FAM167B: variants seen among roughly 807,000 people sequenced by gnomAD.
The protein encoded by FAM167B is family with sequence similarity 167 member B, also known as protein FAM167B.
FAM167B carries 7 observed loss-of-function variants against 15.4 expected under a neutral mutation model. The ratio of observed to expected loss-of-function variants is 0.46; its 90% CI spans 0.26 to 0.86. FAM167B has a LOEUF of 0.86. Among genes scored for constraint, FAM167B ranks in the 40% least tolerant of loss-of-function variants. FAM167B has a pLI of 0.17. For synonymous variants in FAM167B, 100 were observed against 94.6 expected (o/e 1.06, Z -0.33); for missense variants, 207 against 208.3 (o/e 0.99, Z 0.04).
chr1:32,247,537 G>A lies in FAM167B; in HGVS notation c.116G>A (p.Arg39Gln), dbSNP rs1230290040. 29 of 1,607,374 alleles carry A rather than the reference G, an allele frequency of 1.8e-5. No homozygotes were observed. Among genetic ancestry groups the A allele is most frequent in the Non-Finnish European group, 2.4e-5 (28 of 1,176,784 alleles). Reference sequence around the variant, plus strand: ...ACAGCCAAGCTGCAGCTGCAGACTCGGCGGCCCTCATATCTGGAGTGGACA... The same window carrying A: ...ACAGCCAAGCTGCAGCTGCAGACTCAGCGGCCCTCATATCTGGAGTGGACA... ...ALTAKLQLQT[R>Q]RPSYLEWTAQ... The change falls in exon 1 of 2, where the codon CGG becomes CAG. Residue 39 changes from arginine (R) to glutamine (Q), a missense_variant. Coordinates refer to ENST00000373582, the MANE Select transcript of FAM167B (RefSeq NM_032648.3).
At position 32,248,702 on chromosome 1, in the gene FAM167B, C is replaced by G; in HGVS notation, c.*101C>G. The G allele has an allele frequency of 1.9e-6, 2 of 1,034,720 alleles. No homozygotes were observed. The highest frequency in any genetic ancestry group is 2.7e-6 in the Non-Finnish European group (2 of 733,280). 64.1% of individuals were successfully genotyped at this position (1,034,720 alleles called of 1,614,324 possible). ...GAGGGGTGCCCCAGAGGCACCAGCT[C>G]CTGGCGGGGGAGGAGGAACATTCAG... On this transcript the variant is annotated 3_prime_UTR_variant, in exon 2 of 2. Transcript: ENST00000373582.
intron 1 of FAM167B, 66 bp downstream of exon 1, chr1:32,247,748 C>G (rs1259347525): frequency 2.1e-6 from 3 of 1,397,610 alleles, no homozygotes; most frequent in Non-Finnish European, 2.8e-6. Flanking sequence ...GGGTCCAAGA[C>G]CACAGGCATG....
intron 1 of FAM167B, 59 bp downstream of exon 1, chr1:32,247,741 T>C (rs1208531724): frequency 4.2e-6 from 6 of 1,415,296 alleles, no homozygotes; most frequent in Middle Eastern, 4.4e-4. Context: ...CTCCTTAGGG[T>C]CCAAGACCAC....
In FAM167B at chr1:32,248,708, G is replaced by A; in HGVS notation, c.*107G>A. On this transcript the variant is annotated 3_prime_UTR_variant, in exon 2 of 2. Transcript: ENST00000373582. The stretch of plus-strand genomic sequence containing the variant: ...TGCCCCAGAGGCACCAGCTCCTGGC[G>A]GGGGAGGAGGAACATTCAGGTTTCT... 1 of 977,120 alleles carries A rather than the reference G, an allele frequency of 1.0e-6. No homozygotes were observed. Among genetic ancestry groups the A allele is most frequent in the Non-Finnish European group, 1.5e-6 (1 of 680,916 alleles). 60.5% of individuals were successfully genotyped at this position (977,120 alleles called of 1,614,324 possible). A position where few individuals can be genotyped will look rare whatever the true frequency, so the allele number is the denominator to read the frequency against.
chr1:32,247,285 T>G lies in FAM167B; in HGVS notation c.-137T>G. On this transcript the variant is annotated 5_prime_UTR_variant, in exon 1 of 2. Transcript: ENST00000373582. ...GCACATTCAGCCCCCCTAACCCACC[T>G]TGAACATTGACCACCACACACTCCC... is the stretch of plus-strand genomic sequence containing the variant. The G allele has an allele frequency of 8.1e-7, 1 of 1,236,186 alleles. No individual in the cohort carries two copies. Among genetic ancestry groups the G allele is most frequent in the Non-Finnish European group, 1.1e-6 (1 of 924,360 alleles). 76.6% of individuals were successfully genotyped at this position (1,236,186 alleles called of 1,614,324 possible).
chr1:32,248,254 G>T, intron 1 of FAM167B, 117 bp from the exon 2 acceptor site: 1 of 797,944 alleles, frequency 1.3e-6, no homozygotes, highest in Non-Finnish European at 1.9e-6. Flanking sequence ...ATCAAGCTGA[G>T]GTGAGAGGGG....
At position 32,248,668 on chromosome 1, in the gene FAM167B, G is replaced by A. The variant is rs1639441509; in HGVS notation, c.*67G>A. The A allele has an allele frequency of 7.3e-7, 1 of 1,362,182 alleles. No homozygotes were observed. Among genetic ancestry groups the A allele is most frequent in the Non-Finnish European group, 9.8e-7 (1 of 1,022,200 alleles). The allele number at this position is 1,362,182 out of a possible 1,614,324, so 84.4% of individuals were successfully genotyped here. A position where few individuals can be genotyped will look rare whatever the true frequency, so the allele number is the denominator to read the frequency against. ...GCCGCTTCCCCTGCCTGCCTGGGAA[G>A]AGGAAAGGGAGGGGTGCCCCAGAGG... On this transcript the variant is annotated 3_prime_UTR_variant, in exon 2 of 2. Coordinates refer to ENST00000373582, the MANE Select transcript of FAM167B (RefSeq NM_032648.3).
Position 32,248,641 on chromosome 1 carries a change from A to C in FAM167B, c.*40A>C. The C allele has an allele frequency of 3.4e-6, 5 of 1,460,448 alleles. No homozygotes were observed. Among genetic ancestry groups the C allele is most frequent in the Non-Finnish European group, 4.6e-6 (5 of 1,095,126 alleles). 90.5% of individuals were successfully genotyped at this position (1,460,448 alleles called of 1,614,324 possible). A position where few individuals can be genotyped will look rare whatever the true frequency, so the allele number is the denominator to read the frequency against. On this transcript the variant is annotated 3_prime_UTR_variant, in exon 2 of 2. Coordinates refer to ENST00000373582, the MANE Select transcript of FAM167B (RefSeq NM_032648.3). ...CCCCGACTCCCCGCCCCCTCTCCCAATGCCGCTTCCCCTGCCTGCCTGGGA... is the reference window on the plus strand; with the variant it reads ...CCCCGACTCCCCGCCCCCTCTCCCACTGCCGCTTCCCCTGCCTGCCTGGGA...
rs542963032 is a variant in FAM167B at position 32,248,651 on chromosome 1, C to G, written c.*50C>G. 2.4e-5 allele frequency: 34 copies of G among 1,439,708 alleles called. No individual in the cohort carries two copies. In the East Asian group the frequency reaches 8.3e-4, roughly 35 times the overall value. 89.2% of individuals were successfully genotyped at this position (1,439,708 alleles called of 1,614,324 possible). On this transcript the variant is annotated 3_prime_UTR_variant, in exon 2 of 2. Transcript: ENST00000373582. ...CCGCCCCCTCTCCCAATGCCGCTTC[C>G]CCTGCCTGCCTGGGAAGAGGAAAGG... is the stretch of plus-strand genomic sequence containing the variant.
At chr1:32,247,793 C>A in intron 1 of FAM167B, 111 bp downstream of exon 1, 1 of 1,042,748 alleles carries the variant, frequency 9.6e-7, no homozygotes, top group Non-Finnish European at 1.3e-6. Flanking sequence ...CCTCCAGCAA[C>A]CGCCCGCTCC....
chr1:32,248,431 C>G lies in FAM167B; in HGVS notation c.322C>G (p.Leu108Val). 6.2e-7 allele frequency: 1 copy of G among 1,603,424 alleles called. No individual in the cohort carries two copies. Among genetic ancestry groups the G allele is most frequent in the Non-Finnish European group, 8.5e-7 (1 of 1,177,836 alleles). Residue 108 changes from leucine to valine, a missense_variant, in exon 2 of 2, where the codon CTG becomes GTG. Transcript: ENST00000373582. Reference sequence around the variant, plus strand: ...GCAGCTGCTGCGGCTGCGGGCCCAGCTGCACCGACTGAAGATGGACCAAGC... The same window carrying G: ...GCAGCTGCTGCGGCTGCGGGCCCAGGTGCACCGACTGAAGATGGACCAAGC... ...AGQLLRLRAQ[L>V]HRLKMDQACH...
Position 32,248,840 on chromosome 1 carries a change from G to T in FAM167B, c.*239G>T, listed in dbSNP as rs1639443305. The stretch of plus-strand genomic sequence containing the variant: ...CACACCCTCAAACTCCTCAATAAAC[G>T]CTTTCTCTGGTTCCCATCAAGGTCT... On this transcript the variant is annotated 3_prime_UTR_variant, in exon 2 of 2. Transcript: ENST00000373582. 5.3e-6 allele frequency: 3 copies of T among 567,852 alleles called. No homozygotes were observed. The highest frequency in any genetic ancestry group is 2.2e-5 in the South Asian group (1 of 44,882). The allele number at this position is 567,852 out of a possible 1,614,324, so 35.2% of individuals were successfully genotyped here. A position where few individuals can be genotyped will look rare whatever the true frequency, so the allele number is the denominator to read the frequency against.
Position 32,248,438 on chromosome 1 carries a change from G to A in FAM167B, c.329G>A (p.Arg110Gln), listed in dbSNP as rs768536669. 3 of 1,604,932 alleles carry A rather than the reference G, an allele frequency of 1.9e-6. No individual in the cohort carries two copies. Among genetic ancestry groups the A allele is most frequent in the African/African-American group, 1.3e-5 (1 of 74,844 alleles). The change falls in exon 2 of 2, where the codon CGA becomes CAA. Residue 110 changes from arginine (R) to glutamine (Q), a missense_variant. Coordinates refer to ENST00000373582, the MANE Select transcript of FAM167B (RefSeq NM_032648.3). The stretch of plus-strand genomic sequence containing the variant: ...CTGCGGCTGCGGGCCCAGCTGCACC[G>A]ACTGAAGATGGACCAAGCCTGTCAC... ...QLLRLRAQLH[R>Q]LKMDQACHLH...
In FAM167B at chr1:32,248,441, T is replaced by A; in HGVS notation, c.332T>A (p.Leu111Gln). The A allele has an allele frequency of 6.2e-7, 1 of 1,605,784 alleles. No homozygotes were observed. Among genetic ancestry groups the A allele is most frequent in the Non-Finnish European group, 8.5e-7 (1 of 1,178,306 alleles). ...CGGCTGCGGGCCCAGCTGCACCGAC[T>A]GAAGATGGACCAAGCCTGTCACCTG... is the stretch of plus-strand genomic sequence containing the variant. Reference protein sequence around the residue: ...LLRLRAQLHRLKMDQACHLHQ... With the variant: ...LLRLRAQLHRQKMDQACHLHQ... The change falls in exon 2 of 2, where the codon CTG (leucine) becomes CAG (glutamine). Residue 111 changes from leucine to glutamine, a missense_variant. Leu to Gln is a moderately radical substitution (Grantham distance 113). Transcript: ENST00000373582.
In FAM167B at chr1:32,248,854, C is replaced by T; in HGVS notation, c.*253C>T. 1.8e-6 allele frequency: 1 copy of T among 550,764 alleles called. No homozygotes were observed. The highest frequency in any genetic ancestry group is 3.2e-6 in the Non-Finnish European group (1 of 311,722). The allele number at this position is 550,764 out of a possible 1,614,324, so 34.1% of individuals were successfully genotyped here. ...CCTCAATAAACGCTTTCTCTGGTTC[C>T]CATCAAGGTCTCTTGCAGTCGTTTA... On this transcript the variant is annotated 3_prime_UTR_variant, in exon 2 of 2. Coordinates refer to ENST00000373582, the MANE Select transcript of FAM167B (RefSeq NM_032648.3).
Position 32,248,522 on chromosome 1 carries a change from G to T in FAM167B, c.413G>T (p.Gly138Val). Reference sequence around the variant, plus strand: ...GAGCTGGAGCTGGAGCCCGGGGCCGGCCTAGCCCTGGCCCCGCTGCTGCGG... The same window carrying T: ...GAGCTGGAGCTGGAGCCCGGGGCCGTCCTAGCCCTGGCCCCGCTGCTGCGG... ...ELELELEPGAGLALAPLLRHL... is the reference protein window; with the variant it reads ...ELELELEPGAVLALAPLLRHL... Residue 138 changes from glycine (G) to valine (V), a missense_variant, in exon 2 of 2, where the codon GGC (glycine) becomes GTC (valine). Coordinates refer to ENST00000373582, the MANE Select transcript of FAM167B (RefSeq NM_032648.3). 1 of 1,570,682 alleles carries T rather than the reference G, an allele frequency of 6.4e-7. No individual in the cohort carries two copies.
In FAM167B at chr1:32,248,768, T is replaced by C. The variant is rs1639442439; in HGVS notation, c.*167T>C. ...ATTCCAAGAGTGCAAAACCCCAGCATCCTGTTTCCTCTGCTGACCCAGCTG... is the reference window on the plus strand; with the variant it reads ...ATTCCAAGAGTGCAAAACCCCAGCACCCTGTTTCCTCTGCTGACCCAGCTG... On this transcript the variant is annotated 3_prime_UTR_variant, in exon 2 of 2. Transcript: ENST00000373582. 1 of 656,862 alleles carries C rather than the reference T, an allele frequency of 1.5e-6. No homozygotes were observed. Among genetic ancestry groups the C allele is most frequent in the Non-Finnish European group, 2.6e-6 (1 of 391,412 alleles). 40.7% of individuals were successfully genotyped at this position (656,862 alleles called of 1,614,324 possible).
rs560146471 is a variant in FAM167B, at chr1:32,247,960, G to A, written c.261+278G>A. The stretch of plus-strand genomic sequence containing the variant: ...GGGGTGTGGGGCACCATTATAAATA[G>A]GGAAATACACAGCCTCCCCTACTCT... On this transcript the variant is annotated intron_variant, in intron 1 of 1. Coordinates refer to ENST00000373582, the MANE Select transcript of FAM167B (RefSeq NM_032648.3). Among the ~76,000 whole-genome samples the A allele has an allele frequency of 5.3e-5, 8 of 152,304 alleles. No homozygotes were observed. In the South Asian group the frequency reaches 1.7e-3, roughly 32 times the overall value.
intron 1 of FAM167B, among the ~76,000 whole-genome samples, chr1:32,247,939 T>C (rs1194623112): frequency 2.6e-5 from 4 of 151,962 alleles, no homozygotes; most frequent in African/African-American, 9.7e-5. Flanking sequence ...TGTTGGGGGG[T>C]GTGGGGCACC....
Sources: allele counts gnomAD v4.1 joint callset (sites outside exome capture counted in the v4.1 genomes callset), GRCh38; gene constraint gnomAD v4.1.1; transcripts MANE v1.5; gene names NCBI Gene and HGNC (gene_info 2026-07-23, HGNC 2026-07-21).